Variants in RAB5C observed in about 807,000 individuals in gnomAD.
RAB5C encodes the protein ras-related protein Rab-5C.
A neutral mutation model predicts 25.2 loss-of-function variants in RAB5C; 4 were observed. The observed-to-expected ratio is 0.16, with a 90% CI of 0.08 to 0.36. RAB5C has a LOEUF of 0.36. Among genes scored for constraint, RAB5C ranks in the 10% least tolerant of loss-of-function variants. RAB5C has a pLI of 1.00. For synonymous variants in RAB5C, 100 were observed against 106.4 expected (o/e 0.94, Z 0.37); for missense variants, 199 against 283.8 (o/e 0.70, Z 2.15).
Position 42,125,545 on chromosome 17 carries a change from G to A in RAB5C, c.*238C>T. 1 of 487,274 alleles carries A rather than the reference G, an allele frequency of 2.1e-6. No individual in the cohort carries two copies. Among genetic ancestry groups the A allele is most frequent in the Non-Finnish European group, 3.7e-6 (1 of 272,024 alleles). 30.2% of individuals were successfully genotyped at this position (487,274 alleles called of 1,614,324 possible). ...AGGGGAGGAAGTGGGAAGAGCAGAAGATCATATATATTAAAAAAGTGACTT... is the reference window on the plus strand; with the variant it reads ...AGGGGAGGAAGTGGGAAGAGCAGAAAATCATATATATTAAAAAAGTGACTT... On this transcript the variant is annotated 3_prime_UTR_variant, in exon 6 of 6. Coordinates refer to ENST00000346213, the MANE Select transcript of RAB5C (RefSeq NM_004583.4).
In RAB5C at chr17:42,127,181, T is replaced by A. The variant is rs1018565521; in HGVS notation, c.442-333A>T. Among the ~76,000 whole-genome samples the A allele has an allele frequency of 2.0e-5, 3 of 152,252 alleles. No individual in the cohort carries two copies. The East Asian group carries it at 5.8e-4, about 29-fold the overall frequency. On this transcript the variant is annotated intron_variant, in intron 4 of 5. Transcript: ENST00000346213. ...ATGTTTGCACAAAAGCACAAAAGTA[T>A]GTGGATGTCTACTGCAGCACTGTTT...
At chr17:42,126,576 G>A (rs966571195) in intron 5 of RAB5C, 179 bp downstream of exon 5, 2 of 347,184 alleles carry the variant, frequency 5.8e-6, no homozygotes, top group Non-Finnish European at 1.0e-5. Flanking sequence ...AGCTTGCAGT[G>A]AGTCGAGATC....
intron 1 of RAB5C, among the ~76,000 whole-genome samples, chr17:42,149,043 T>C (rs2079654148): frequency 6.6e-6 from 1 of 152,210 alleles, no homozygotes; most frequent in Non-Finnish European, 1.5e-5. Context: ...GGCTATTTAA[T>C]TGGAAAAGTA....
chr17:42,143,524 C>T (rs1478161944), intron 1 of RAB5C, among the ~76,000 whole-genome samples: 1 of 152,132 alleles, frequency 6.6e-6, no homozygotes, highest in Admixed American at 6.5e-5. Context: ...GTAATCCCAG[C>T]TACTCAGGAG....
At position 42,126,857 on chromosome 17, in the gene RAB5C, GATGGAGGTGA is replaced by G; in HGVS notation, c.442-19_442-10del. 2 of 1,597,500 alleles carry G rather than the reference GATGGAGGTGA, an allele frequency of 1.3e-6. No homozygotes were observed. The highest frequency in any genetic ancestry group is 1.1e-5 in the South Asian group (1 of 90,510). On this transcript the variant is annotated splice_polypyrimidine_tract_variant and intron_variant, in intron 4 of 5. Transcript: ENST00000346213. ...GCATAGGCTTGTGCTTCCTGGTTTG[GATGGAGGTGA>G]GAGGAGGTGAGAGGGAAATGTTGGC...
At chr17:42,140,427 G>A (rs1598252317) in intron 1 of RAB5C, among the ~76,000 whole-genome samples, 1 of 147,700 alleles carries the variant, frequency 6.8e-6, no homozygotes, top group Admixed American at 6.9e-5. Context: ...CTCAGTGGGA[G>A]ACCTGAGGGA....
At chr17:42,148,022 C>T (rs972113822) in intron 1 of RAB5C, among the ~76,000 whole-genome samples, 3 of 152,006 alleles carry the variant, frequency 2.0e-5, no homozygotes, top group Non-Finnish European at 2.9e-5. Flanking sequence ...CTCTTTAACT[C>T]GGGAGGCGGA....
At chr17:42,131,859 C>T in intron 1 of RAB5C, 1 of 468,790 alleles carries the variant, frequency 2.1e-6, no homozygotes, top group Non-Finnish European at 3.9e-6. Context: ...CAGACATATA[C>T]ATCTGATGTC....
intron 1 of RAB5C, among the ~76,000 whole-genome samples, chr17:42,144,761 T>C (rs1462561411): frequency 6.6e-6 from 1 of 151,364 alleles, no homozygotes; most frequent in Non-Finnish European, 1.5e-5. Context: ...ACCCTGTCTC[T>C]ACTAAAAATA....
intron 1 of RAB5C, among the ~76,000 whole-genome samples, chr17:42,138,270 T>C (rs2054557571): frequency 1.3e-5 from 2 of 152,214 alleles, no homozygotes; most frequent in Admixed American, 6.5e-5. Flanking sequence ...CCTATGGAAC[T>C]GCTTCACACA....
At chr17:42,149,125 T>C (rs553220330) in intron 1 of RAB5C, among the ~76,000 whole-genome samples, 4 of 152,362 alleles carry the variant, frequency 2.6e-5, no homozygotes, top group South Asian at 2.1e-4. Flanking sequence ...CCAAGGTTTT[T>C]GCAAGCATGA....
chr17:42,130,243 C>G (rs1173726049), intron 2 of RAB5C, 94 bp downstream of exon 2: 6 of 1,504,920 alleles, frequency 4.0e-6, no homozygotes, highest in Non-Finnish European at 5.4e-6. Flanking sequence ...GCATTTAGTC[C>G]CTAATGCAGG....
intron 1 of RAB5C, among the ~76,000 whole-genome samples, chr17:42,140,682 C>A (rs2144084322): frequency 6.6e-6 from 1 of 151,676 alleles, no homozygotes; most frequent in African/African-American, 2.4e-5. Flanking sequence ...CACCACCATA[C>A]CCAGCTTGTA....
chr17:42,128,252 T>A lies in RAB5C; in HGVS notation c.441+9A>T. The A allele has an allele frequency of 6.2e-7, 1 of 1,612,182 alleles. No individual in the cohort carries two copies. Among genetic ancestry groups the A allele is most frequent in the Non-Finnish European group, 8.5e-7 (1 of 1,178,952 alleles). ...TCCACTCCTTCCCCCAAGTCTGTCA[T>A]CTCCCCACCTGGAATTCCACGGCTC... On this transcript the variant is annotated intron_variant, in intron 4 of 5. Coordinates refer to ENST00000346213, the MANE Select transcript of RAB5C (RefSeq NM_004583.4).
chr17:42,130,049 A>T (rs1229648829), intron 2 of RAB5C: 2 of 348,776 alleles, frequency 5.7e-6, no homozygotes, highest in East Asian at 1.0e-4. Flanking sequence ...CCATGAGGCC[A>T]GGGCAGTGAA....
chr17:42,140,961 TG>T (rs2079599814), intron 1 of RAB5C, among the ~76,000 whole-genome samples: 1 of 152,112 alleles, frequency 6.6e-6, no homozygotes, highest in Non-Finnish European at 1.5e-5. Flanking sequence ...CCCAAGTAGC[TG>T]GGACTACGGG....
At chr17:42,128,210 C>T (rs115801687) in intron 4 of RAB5C, 51 bp downstream of exon 4, 7 of 1,580,642 alleles carry the variant, frequency 4.4e-6, no homozygotes, top group African/African-American at 1.3e-5. Flanking sequence ...CAGGCGAGGC[C>T]GGGGGGAGCT....
intron 1 of RAB5C, among the ~76,000 whole-genome samples, chr17:42,145,187 AAG>A (rs1271202902): frequency 6.6e-6 from 1 of 151,876 alleles, no homozygotes; most frequent in Non-Finnish European, 1.5e-5. Flanking sequence ...AAAACAGAAA[AAG>A]AAAAAATAAT....
At chr17:42,146,604 CT>C (rs1211940873) in intron 1 of RAB5C, among the ~76,000 whole-genome samples, 1 of 152,144 alleles carries the variant, frequency 6.6e-6, no homozygotes, top group Non-Finnish European at 1.5e-5. Flanking sequence ...TAAAAATTAG[CT>C]GGGCATGGTG....
Sources: allele counts gnomAD v4.1 joint callset (sites outside exome capture counted in the v4.1 genomes callset), GRCh38; gene constraint gnomAD v4.1.1; transcripts MANE v1.5; gene names NCBI Gene and HGNC (gene_info 2026-07-23, HGNC 2026-07-21).